Variants in CDH11 observed in about 807,000 individuals in gnomAD.
CDH11 encodes cadherin 11, also known as cadherin-11.
CDH11 carries 11 observed loss-of-function variants against 67.8 expected under a neutral mutation model. The observed-to-expected ratio is 0.16, with a 90% CI of 0.10 to 0.27. CDH11 has a LOEUF of 0.27. Ranked by LOEUF, CDH11 falls within the 10% of genes least tolerant of loss-of-function variation. The probability of loss-of-function intolerance (pLI) is 1.00; values close to 1 mark genes in which losing one functional copy is unlikely to be tolerated. For synonymous variants in CDH11, 419 were observed against 400.0 expected, an observed-to-expected ratio of 1.05 and a Z score of -0.57; for missense variants, 847 against 1,031.2, an observed-to-expected ratio of 0.82 and a Z score of 2.45.
chr16:65,082,844 T>C (rs1280950448), intron 1 of CDH11, among the ~76,000 whole-genome samples: 1 of 152,194 alleles, frequency 6.6e-6, no homozygotes, highest in Non-Finnish European at 1.5e-5. Context: ...CCCAAACCAT[T>C]ACCTTCCTGG....
At position 64,950,829 on chromosome 16, in the gene CDH11, A is replaced by G; in HGVS notation, c.1832T>C (p.Leu611Pro). 2 of 1,614,188 alleles carry G rather than the reference A, an allele frequency of 1.2e-6. No individual in the cohort carries two copies. Among genetic ancestry groups the G allele is most frequent in the Non-Finnish European group, 1.7e-6 (2 of 1,180,030 alleles). ...LLSCNAEAYI[L>P]NAGLSTGALI... ...GGCGCCTGTGCTCAGGCCGGCGTTC[A>G]GAATGTAGGCCTCTGCGTTGCAGGA... Residue 611 changes from leucine (L) to proline (P), a missense_variant, in exon 12 of 13, where the codon CTG becomes CCG. By Grantham distance (98) the Leu-to-Pro change is moderately conservative (BLOSUM62 -3). Coordinates refer to ENST00000268603, the MANE Select transcript of CDH11 (RefSeq NM_001797.4).
At chr16:65,036,999 T>C (rs1187230630) in intron 2 of CDH11, among the ~76,000 whole-genome samples, 1 of 152,104 alleles carries the variant, frequency 6.6e-6, no homozygotes, top group African/African-American at 2.4e-5. Flanking sequence ...ACTAAACATA[T>C]ACTCTAGCCT....
intron 12 of CDH11, among the ~76,000 whole-genome samples, chr16:64,950,110 G>T (rs1376673874): frequency 6.6e-6 from 1 of 152,134 alleles, no homozygotes; most frequent in East Asian, 1.9e-4. Flanking sequence ...CCCAGCAATG[G>T]CATATGTTCT....
chr16:65,070,453 G>A (rs2074396532), intron 1 of CDH11, among the ~76,000 whole-genome samples: 1 of 152,078 alleles, frequency 6.6e-6, no homozygotes, highest in South Asian at 2.1e-4. Context: ...TGAATGGCTC[G>A]ACTCAACTGT....
chr16:65,054,581 C>T (rs756125171), intron 1 of CDH11, among the ~76,000 whole-genome samples: 58 of 152,204 alleles, frequency 3.8e-4, no homozygotes, highest in Non-Finnish European at 2.6e-4. Flanking sequence ...TTCATATCTC[C>T]CAAAATGTCT....
At chr16:64,981,855 C>T in intron 8 of CDH11, 193 bp downstream of exon 8, 1 of 508,572 alleles carries the variant, frequency 2.0e-6, no homozygotes, top group Non-Finnish European at 3.4e-6. Context: ...CTTGAACAAT[C>T]CTATCCAAAA....
At chr16:65,090,438 C>T (rs1017849170) in intron 1 of CDH11, among the ~76,000 whole-genome samples, 3 of 152,088 alleles carry the variant, frequency 2.0e-5, no homozygotes, top group Non-Finnish European at 1.5e-5. Flanking sequence ...AGTCTTGGTC[C>T]AATCCTTTCT....
intron 1 of CDH11, among the ~76,000 whole-genome samples, chr16:65,078,328 C>A (rs1324250255): frequency 6.6e-6 from 1 of 152,156 alleles, no homozygotes; most frequent in African/African-American, 2.4e-5. Flanking sequence ...TTACCGAGCT[C>A]AAACGTTCTG....
intron 8 of CDH11, chr16:64,981,097 C>CTTTCTT (rs2072328141): frequency 7.7e-5 from 9 of 116,470 alleles, no homozygotes; most frequent in African/African-American, 3.5e-4. Flanking sequence ...TTCTTTCTTT[C>CTTTCTT]TTTTTTTTTT....
At chr16:64,983,912 C>A (rs2072419210) in intron 7 of CDH11, among the ~76,000 whole-genome samples, 1 of 152,196 alleles carries the variant, frequency 6.6e-6, no homozygotes, top group African/African-American at 2.4e-5. Flanking sequence ...ATCACATAGT[C>A]TGTTGATCTT....
At chr16:65,103,216 G>A (rs938497844) in intron 1 of CDH11, among the ~76,000 whole-genome samples, 8 of 151,998 alleles carry the variant, frequency 5.3e-5, no homozygotes, top group East Asian at 3.9e-4. Context: ...ACATATTCTC[G>A]GTTAGCTTTG....
intron 1 of CDH11, among the ~76,000 whole-genome samples, chr16:65,088,837 C>T (rs983859415): frequency 2.6e-5 from 4 of 152,092 alleles, no homozygotes; most frequent in African/African-American, 7.2e-5. Flanking sequence ...CAAACTTTGC[C>T]AAATGCCTTC....
chr16:64,992,127 A>G (rs1210671164), intron 5 of CDH11, among the ~76,000 whole-genome samples, 192 bp from the exon 6 acceptor site: 1 of 152,190 alleles, frequency 6.6e-6, no homozygotes, highest in Non-Finnish European at 1.5e-5. Flanking sequence ...AAATCATAAA[A>G]ATTACTATAC....
chr16:65,089,613 C>G (rs775558696), intron 1 of CDH11, among the ~76,000 whole-genome samples: 2 of 151,980 alleles, frequency 1.3e-5, no homozygotes, highest in Non-Finnish European at 2.9e-5. Context: ...ATTCAAGTAA[C>G]AAATAGCATT....
At chr16:65,055,519 T>C (rs1472902084) in intron 1 of CDH11, among the ~76,000 whole-genome samples, 1 of 152,208 alleles carries the variant, frequency 6.6e-6, no homozygotes, top group African/African-American at 2.4e-5. Context: ...CCCACCACTG[T>C]ATTTTGGAAG....
At chr16:65,026,876 T>C (rs1289848199) in intron 2 of CDH11, among the ~76,000 whole-genome samples, 2 of 152,124 alleles carry the variant, frequency 1.3e-5, no homozygotes, top group African/African-American at 4.8e-5. Context: ...TGCTAATGAA[T>C]AATAAAATGC....
intron 3 of CDH11, among the ~76,000 whole-genome samples, chr16:64,999,747 C>T (rs1034830531): frequency 5.3e-5 from 8 of 152,218 alleles, no homozygotes; most frequent in Admixed American, 1.3e-4. Context: ...GTTTCCCAGG[C>T]TGGTCTCGAA....
intron 7 of CDH11, chr16:64,984,578 CCT>C (rs1435151640): frequency 1.3e-5 from 2 of 152,072 alleles, no homozygotes; most frequent in African/African-American, 4.8e-5. Flanking sequence ...GAAAATCTTC[CCT>C]GAGGGATTAA....
At chr16:65,018,478 A>G (rs1445322748) in intron 2 of CDH11, among the ~76,000 whole-genome samples, 1 of 152,218 alleles carries the variant, frequency 6.6e-6, no homozygotes, top group East Asian at 1.9e-4. Context: ...TAAGGTAAGA[A>G]TACTCACATA....
Sources: gnomAD v4.1 joint callset for allele counts (sites outside exome capture counted in the v4.1 genomes callset) on GRCh38, gnomAD v4.1.1 for gene constraint, MANE v1.5 for transcripts, NCBI Gene and HGNC (gene_info 2026-07-23, HGNC 2026-07-21) for gene names.